Variants in SEC22B observed in about 807,000 individuals in gnomAD.
The protein encoded by SEC22B is SEC22 homolog B, vesicle trafficking protein.
SEC22B carries 10 observed loss-of-function variants against 31.4 expected under a neutral mutation model. That is an observed-to-expected ratio of 0.32 (90% CI 0.20 to 0.54). The LOEUF (loss-of-function observed/expected upper bound fraction) is 0.54. Among genes scored for constraint, SEC22B ranks in the 20% least tolerant of loss-of-function variants. The probability of loss-of-function intolerance (pLI) is 0.94; values close to 1 mark genes in which losing one functional copy is unlikely to be tolerated. For synonymous variants in SEC22B, 60 were observed against 95.9 expected (o/e 0.63, Z 2.19); for missense variants, 130 against 263.4 (o/e 0.49, Z 3.50).
At chr1:120,163,607 G>A (rs1415414802) in intron 2 of SEC22B, among the ~76,000 whole-genome samples, 14 of 144,536 alleles carry the variant, frequency 9.7e-5, no homozygotes, top group South Asian at 2.1e-4. Context: ...ACGGAGTCTC[G>A]CTCTGTCCCC....
At position 120,171,094 on chromosome 1, in the gene SEC22B, T is replaced by TG. The variant is rs1185745533; in HGVS notation, c.76-2146dup. Among the ~76,000 whole-genome samples the TG allele has an allele frequency of 1.3e-4, 17 of 132,100 alleles. 1 individual carries two copies. The highest frequency in any genetic ancestry group is 2.3e-4 in the Non-Finnish European group (15 of 66,632). The allele number at this position is 132,100 out of a possible 152,430, so 86.7% of individuals were successfully genotyped here. ...ACCTTGGCTTCACAATAGAATCATT[T>TG]GGGGAAATCTCAAAAACAAAACTAC... is the stretch of plus-strand genomic sequence containing the variant. On this transcript the variant is annotated intron_variant, in intron 1 of 4. Coordinates refer to ENST00000578049, the MANE Select transcript of SEC22B (RefSeq NM_004892.6).
At chr1:120,176,237 G>C in intron 1 of SEC22B, 70 bp downstream of exon 1, 1 of 1,459,716 alleles carries the variant, frequency 6.9e-7, no homozygotes, top group East Asian at 2.4e-5. Context: ...GTCCTAGGAA[G>C]GAATCCGATG....
At chr1:120,165,082 A>AT (rs1187305185) in intron 2 of SEC22B, among the ~76,000 whole-genome samples, 1 of 152,058 alleles carries the variant, frequency 6.6e-6, no homozygotes, top group African/African-American at 2.4e-5. Flanking sequence ...TCTTTTGTCC[A>AT]TTTTTTAAAT....
chr1:120,170,632 G>A (rs1280309893), intron 1 of SEC22B, among the ~76,000 whole-genome samples: 3 of 150,346 alleles, frequency 2.0e-5, no homozygotes, highest in African/African-American at 5.0e-5. Flanking sequence ...TTGTTTTATT[G>A]ACATATATTT....
At chr1:120,163,599 G>A (rs1164057605) in intron 2 of SEC22B, among the ~76,000 whole-genome samples, 4 of 142,284 alleles carry the variant, frequency 2.8e-5, no homozygotes, top group South Asian at 2.2e-4. Context: ...TTTTTGAGAC[G>A]GAGTCTCGCT....
chr1:120,160,910 A>C (rs1217463999), intron 3 of SEC22B, among the ~76,000 whole-genome samples: 67,318 of 150,336 alleles, frequency 0.45, 17,711 homozygotes, highest in African/African-American at 0.75. Context: ...AAAAAAAAAA[A>C]CCAAAACAGT....
intron 1 of SEC22B, among the ~76,000 whole-genome samples, chr1:120,171,781 TA>T (rs1657899731): frequency 7.4e-6 from 1 of 134,480 alleles, no homozygotes; most frequent in African/African-American, 3.7e-5. Context: ...GAGTACAGAT[TA>T]TAGTTAATAA....
At chr1:120,165,956 AAAT>A (rs1404348336) in intron 2 of SEC22B, among the ~76,000 whole-genome samples, 1 of 150,586 alleles carries the variant, frequency 6.6e-6, no homozygotes, top group Non-Finnish European at 1.5e-5. Flanking sequence ...GCAAAACCAA[AAAT>A]AATTCAATTA....
chr1:120,170,743 TATC>T (rs1317579428), intron 1 of SEC22B, among the ~76,000 whole-genome samples: 7 of 147,170 alleles, frequency 4.8e-5, no homozygotes, highest in Admixed American at 2.7e-4. Context: ...ATATCAAAAT[TATC>T]ATATTAAACA....
chr1:120,163,582 CTT>C (rs1287701857), intron 2 of SEC22B, among the ~76,000 whole-genome samples: 1 of 94,036 alleles, frequency 1.1e-5, no homozygotes, highest in Admixed American at 9.1e-5. Context: ...TTTTTTTTTT[CTT>C]TTTTTTTTTG....
chr1:120,160,831 G>A (rs1177450994), intron 3 of SEC22B, among the ~76,000 whole-genome samples: 29,146 of 151,606 alleles, frequency 0.19, 3,267 homozygotes, highest in Non-Finnish European at 0.26. Flanking sequence ...AGAGGTTGCA[G>A]TGAGCCGAGA....
rs1412334328 is a variant in SEC22B, at chr1:120,157,252, A to C, written c.494-60T>G. 8,505 of 1,265,962 alleles carry C rather than the reference A, an allele frequency of 6.7e-3. 43 individuals are homozygous for C. Among genetic ancestry groups the C allele is most frequent in the Middle Eastern group, 0.022 (104 of 4,836 alleles). 78.4% of individuals were successfully genotyped at this position (1,265,962 alleles called of 1,614,324 possible). A position where few individuals can be genotyped will look rare whatever the true frequency, so the allele number is the denominator to read the frequency against. On this transcript the variant is annotated intron_variant, in intron 4 of 4. Coordinates refer to ENST00000578049, the MANE Select transcript of SEC22B (RefSeq NM_004892.6). Reference sequence around the variant, plus strand: ...TCCCTGGAAGTATTTTACCGAAAGTATTAAGGCAAACCAAAATGAGCAGCA... The same window carrying C: ...TCCCTGGAAGTATTTTACCGAAAGTCTTAAGGCAAACCAAAATGAGCAGCA...
chr1:120,171,074 G>T lies in SEC22B; in HGVS notation c.76-2125C>A, dbSNP rs1174438697. Among the ~76,000 whole-genome samples the T allele has an allele frequency of 3.1e-5, 4 of 130,406 alleles. No homozygotes were observed. In the East Asian group the frequency reaches 8.3e-4, roughly 27 times the overall value. The allele number at this position is 130,406 out of a possible 152,430, so 85.6% of individuals were successfully genotyped here. On this transcript the variant is annotated intron_variant, in intron 1 of 4. Transcript: ENST00000578049. ...ACATAGATCGGTGATTTTCAACCTT[G>T]GCTTCACAATAGAATCATTTGGGGA... is the stretch of plus-strand genomic sequence containing the variant.
At position 120,155,969 on chromosome 1, in the gene SEC22B, T is replaced by C. The variant is rs1298727553; in HGVS notation, c.*1069A>G. 6 of 152,116 alleles carry C rather than the reference T, an allele frequency of 3.9e-5. No individual in the cohort carries two copies. The highest frequency in any genetic ancestry group is 9.7e-5 in the African/African-American group (4 of 41,442). 9.4% of individuals were successfully genotyped at this position (152,116 alleles called of 1,614,324 possible). A position where few individuals can be genotyped will look rare whatever the true frequency, so the allele number is the denominator to read the frequency against. ...CTTTTTCTCAGGTAAATGTATTTAG[T>C]AGTTTGAGTAGTTGATCTGCAAAAA... On this transcript the variant is annotated 3_prime_UTR_variant, in exon 5 of 5. Transcript: ENST00000578049.
chr1:120,165,786 C>T (rs1657799452), intron 2 of SEC22B, among the ~76,000 whole-genome samples: 1 of 151,424 alleles, frequency 6.6e-6, no homozygotes, highest in Admixed American at 6.6e-5. Context: ...AAACATTTCC[C>T]CTATGTTTTC....
chr1:120,160,502 G>A lies in SEC22B; in HGVS notation c.375C>T (p.Leu125=). ...TTCTTCGAGCACGACTGTCAATGTA[G>A]AGCTTCTTGGTTTTCTGAATGAAAG... ...FDTFIQKTKK[L]YIDSRARRNL... is the part of the protein sequence containing the mutation. The change falls in exon 4 of 5, where the codon CTC becomes CTT. Residue 125 remains leucine (L), a synonymous_variant. Transcript: ENST00000578049. 1 of 1,595,870 alleles carries A rather than the reference G, an allele frequency of 6.3e-7. No homozygotes were observed. Among genetic ancestry groups the A allele is most frequent in the South Asian group, 1.1e-5 (1 of 87,872 alleles).
chr1:120,157,349 G>A, intron 4 of SEC22B, 157 bp from the exon 5 acceptor site: 1 of 499,224 alleles, frequency 2.0e-6, no homozygotes. Flanking sequence ...ATTAACTGAT[G>A]ATGCTGATCA....
chr1:120,165,119 G>C (rs1383308382), intron 2 of SEC22B, among the ~76,000 whole-genome samples: 10 of 152,034 alleles, frequency 6.6e-5, no homozygotes, highest in Non-Finnish European at 7.4e-5. Flanking sequence ...TAATACTTAA[G>C]ACTTTTTCTT....
At chr1:120,165,688 T>A (rs1242267361) in intron 2 of SEC22B, among the ~76,000 whole-genome samples, 7 of 152,004 alleles carry the variant, frequency 4.6e-5, no homozygotes, top group African/African-American at 1.7e-4. Flanking sequence ...AGCTTTTAGT[T>A]TAATACAGTC....
Sources: gnomAD v4.1 joint callset for allele counts (sites outside exome capture counted in the v4.1 genomes callset) on GRCh38, gnomAD v4.1.1 for gene constraint, MANE v1.5 for transcripts, NCBI Gene and HGNC (gene_info 2026-07-23, HGNC 2026-07-21) for gene names.